The following GYPB variants were observed in gnomAD, a reference collection of about 807,000 sequenced individuals.
The protein encoded by GYPB is glycophorin-B.
GYPB carries 13 observed loss-of-function variants against 15.3 expected under a neutral mutation model. The ratio of observed to expected loss-of-function variants is 0.85; its 90% CI spans 0.55 to 1.35. The LOEUF (loss-of-function observed/expected upper bound fraction) is 1.35. GYPB is among the 40% of genes most tolerant of loss of function. GYPB has a pLI of 0.00. For synonymous variants in GYPB, 38 were observed against 36.9 expected (o/e 1.03, Z -0.11); for missense variants, 131 against 108.3 (o/e 1.21, Z -0.93).
chr4:144,016,020 G>C lies in GYPB; in HGVS notation c.37+3231C>G, dbSNP rs189936591. On this transcript the variant is annotated intron_variant, in intron 1 of 4. Transcript: ENST00000502664. ...CTGACAATGTGTGGGACACATAAGC[G>C]AAGACACAGGTTTGGCTTTTCAAGA... 2.7e-4 allele frequency among the ~76,000 whole-genome samples: 41 copies of C among 150,724 alleles called. No individual in the cohort carries two copies. The East Asian group carries it at 5.0e-3, about 19-fold the overall frequency.
chr4:144,009,601 C>CTTTTTTTTTTTTT (rs55807150), intron 1 of GYPB, among the ~76,000 whole-genome samples: 3 of 57,782 alleles, frequency 5.2e-5, no homozygotes, highest in African/African-American at 8.1e-5. Flanking sequence ...TTTTTTCTTT[C>CTTTTTTTTTTTTT]TTTTTTTTTT....
At chr4:144,014,582 A>T (rs1022746414) in intron 1 of GYPB, among the ~76,000 whole-genome samples, 1 of 151,352 alleles carries the variant, frequency 6.6e-6, no homozygotes, top group Non-Finnish European at 1.5e-5. Context: ...AAAATGGGTA[A>T]ATCTGTAGAG....
At chr4:144,016,801 C>T (rs1728523426) in intron 1 of GYPB, 1 of 443,780 alleles carries the variant, frequency 2.3e-6, no homozygotes, top group Non-Finnish European at 4.5e-6. Context: ...CACTAACTTA[C>T]CTCCTGTTTC....
chr4:144,005,943 A>T (rs1242030673), intron 1 of GYPB, among the ~76,000 whole-genome samples: 2 of 151,540 alleles, frequency 1.3e-5, no homozygotes, highest in Non-Finnish European at 2.9e-5. Flanking sequence ...TATAACATGC[A>T]TTGATGTGGA....
intron 1 of GYPB, among the ~76,000 whole-genome samples, chr4:144,004,522 G>A (rs1727792364): frequency 1.3e-4 from 1 of 7,706 alleles, no homozygotes; most frequent in Non-Finnish European, 8.1e-4. Context: ...TAATTTGGTA[G>A]TTATTCCAGA....
intron 1 of GYPB, among the ~76,000 whole-genome samples, chr4:144,011,390 C>T (rs567416588): frequency 6.6e-6 from 1 of 151,114 alleles, no homozygotes; most frequent in South Asian, 2.1e-4. Flanking sequence ...CAAAATAAAG[C>T]AATAAATACA....
intron 1 of GYPB, among the ~76,000 whole-genome samples, chr4:144,006,169 GA>G (rs1727905040): frequency 6.6e-6 from 1 of 151,910 alleles, no homozygotes; most frequent in Admixed American, 6.5e-5. Context: ...TGTGTGACCT[GA>G]ATTGAATTGT....
chr4:143,997,630 A>G lies in GYPB; in HGVS notation c.180T>C (p.Pro60=). The change falls in exon 4 of 5, where the codon CCT becomes CCC. Residue 60 remains proline (P), a synonymous_variant. Coordinates refer to ENST00000502664, the MANE Select transcript of GYPB (RefSeq NM_002100.6). ...ACAAAATAATGAGTATTATCACTAC[A>G]GGAGCTAAAGAGAGCAGCAAAATTA... is the stretch of plus-strand genomic sequence containing the variant. ...QLVHRFTVPA[P]VVIILIILCV... The G allele has an allele frequency of 6.5e-7, 1 of 1,538,976 alleles. No homozygotes were observed. Among genetic ancestry groups the G allele is most frequent in the Non-Finnish European group, 9.0e-7 (1 of 1,114,022 alleles).
At chr4:144,010,279 T>C (rs6814478) in intron 1 of GYPB, among the ~76,000 whole-genome samples, 146,593 of 151,014 alleles carry the variant, frequency 0.97, 71,555 homozygotes, top group East Asian at 1. Context: ...GCCTGGGCAA[T>C]ATAGCAAGAC....
chr4:144,011,145 CT>C (rs1728199865), intron 1 of GYPB, among the ~76,000 whole-genome samples: 1 of 134,318 alleles, frequency 7.4e-6, no homozygotes, highest in Admixed American at 7.9e-5. Context: ...TTTTGGGAGG[CT>C]GAGGCAGGTG....
rs570210833 is a variant in GYPB at position 144,009,386 on chromosome 4, A to G, written c.38-8103T>C. On this transcript the variant is annotated intron_variant, in intron 1 of 4. Coordinates refer to ENST00000502664, the MANE Select transcript of GYPB (RefSeq NM_002100.6). ...CTATGTAAAGGGAGAGAGAGTAACT[A>G]CTTTAGGATTTGTGGGCCACAACTA... Among the ~76,000 whole-genome samples, 6 of 151,100 alleles carry G rather than the reference A, an allele frequency of 4.0e-5. No homozygotes were observed. In the East Asian group the frequency reaches 9.7e-4, roughly 24 times the overall value.
At chr4:143,999,285 G>A (rs918153342) in intron 3 of GYPB, 126 bp downstream of exon 3, 39 of 598,542 alleles carry the variant, frequency 6.5e-5, no homozygotes, top group Admixed American at 1.8e-4. Flanking sequence ...TTACAATTTC[G>A]TGTGAATAAA....
At chr4:144,013,332 T>C (rs1728318478) in intron 1 of GYPB, among the ~76,000 whole-genome samples, 1 of 151,160 alleles carries the variant, frequency 6.6e-6, no homozygotes, top group East Asian at 1.9e-4. Context: ...GACTGTAAAC[T>C]AGTTCAACCA....
At position 143,996,141 on chromosome 4, in the gene GYPB, G is replaced by T; in HGVS notation, c.*158C>A. The T allele has an allele frequency of 6.8e-7, 1 of 1,465,066 alleles. No homozygotes were observed. Among genetic ancestry groups the T allele is most frequent in the Non-Finnish European group, 9.1e-7 (1 of 1,099,784 alleles). 90.8% of individuals were successfully genotyped at this position (1,465,066 alleles called of 1,614,324 possible). Reference sequence around the variant, plus strand: ...TTTGTTTTATTTTTATTTAGAAGTAGAGAATACAGTAATAGTGAGGCAGGA... The same window carrying T: ...TTTGTTTTATTTTTATTTAGAAGTATAGAATACAGTAATAGTGAGGCAGGA... On this transcript the variant is annotated 3_prime_UTR_variant, in exon 5 of 5. Coordinates refer to ENST00000502664, the MANE Select transcript of GYPB (RefSeq NM_002100.6).
At chr4:144,015,429 A>G (rs768738831) in intron 1 of GYPB, among the ~76,000 whole-genome samples, 5 of 151,520 alleles carry the variant, frequency 3.3e-5, no homozygotes, top group East Asian at 3.9e-4. Flanking sequence ...TCAGCACCAT[A>G]TAAGTATGAT....
chr4:144,016,542 G>A (rs1212222138), intron 1 of GYPB, among the ~76,000 whole-genome samples: 1 of 150,934 alleles, frequency 6.6e-6, no homozygotes, highest in African/African-American at 2.5e-5. Context: ...TAGATTCTGG[G>A]AATACATGGA....
intron 2 of GYPB, among the ~76,000 whole-genome samples, 189 bp downstream of exon 2, chr4:144,000,996 T>A (rs1462199095): frequency 6.6e-6 from 1 of 151,406 alleles, no homozygotes; most frequent in East Asian, 1.9e-4. Flanking sequence ...ACAGTATTAT[T>A]TCTGTGAGAT....
chr4:144,007,350 G>T (rs1296814409), intron 1 of GYPB, among the ~76,000 whole-genome samples: 1 of 151,946 alleles, frequency 6.6e-6, no homozygotes, highest in Non-Finnish European at 1.5e-5. Context: ...AGACTGGCGT[G>T]CTTTGGCAGT....
At chr4:144,005,128 T>A (rs1195011278) in intron 1 of GYPB, among the ~76,000 whole-genome samples, 1 of 151,976 alleles carries the variant, frequency 6.6e-6, no homozygotes, top group African/African-American at 2.4e-5. Flanking sequence ...CCTGTTGAAT[T>A]CAGAAGGTAC....
Sources: allele counts gnomAD v4.1 joint callset (sites outside exome capture counted in the v4.1 genomes callset), GRCh38; gene constraint gnomAD v4.1.1; transcripts MANE v1.5; gene names NCBI Gene and HGNC (gene_info 2026-07-23, HGNC 2026-07-21).